ALPK1: variants seen among roughly 807,000 people sequenced by gnomAD.
The protein encoded by ALPK1 is alpha-protein kinase 1.
ALPK1 carries 110 observed loss-of-function variants against 120.6 expected under a neutral mutation model. That is an observed-to-expected ratio of 0.91 (90% confidence interval 0.78 to 1.07). The LOEUF (loss-of-function observed/expected upper bound fraction) is 1.07. Ranked by LOEUF, ALPK1 falls within the 50% of genes least tolerant of loss-of-function variation. The pLI is 0.00. For missense variants in ALPK1, 1,498 were observed against 1,483.9 expected (o/e 1.01, Z -0.16); for synonymous variants, 582 against 560.3 (o/e 1.04, Z -0.55).
chr4:112,418,209 C>G (rs1302980782), intron 5 of ALPK1, among the ~76,000 whole-genome samples: 1 of 152,192 alleles, frequency 6.6e-6, no homozygotes, highest in African/African-American at 2.4e-5. Context: ...ACATGGCTCG[C>G]CGCGTGGCAG....
intron 2 of ALPK1, among the ~76,000 whole-genome samples, chr4:112,371,955 C>A (rs1188340778): frequency 1.3e-5 from 2 of 152,122 alleles, no homozygotes; most frequent in African/African-American, 4.8e-5. Flanking sequence ...AACAATTGTT[C>A]CAACCAATTC....
intron 5 of ALPK1, among the ~76,000 whole-genome samples, chr4:112,417,440 A>G (rs1252106995): frequency 6.6e-6 from 1 of 152,206 alleles, no homozygotes; most frequent in Admixed American, 6.5e-5. Flanking sequence ...AATGCATTAC[A>G]ATCAAGGAAG....
At chr4:112,418,019 G>T (rs1733816791) in intron 5 of ALPK1, among the ~76,000 whole-genome samples, 1 of 152,142 alleles carries the variant, frequency 6.6e-6, no homozygotes, top group Admixed American at 6.5e-5. Flanking sequence ...AGAGTAATGA[G>T]GGCTTGGCTA....
Position 112,368,827 on chromosome 4 carries a change from G to A in ALPK1, c.-100-8851G>A, listed in dbSNP as rs189393729. 1.8e-4 allele frequency among the ~76,000 whole-genome samples: 28 copies of A among 152,184 alleles called. 1 individual carries two copies. The South Asian group carries it at 3.3e-3, about 18-fold the overall frequency. ...TAGCTCACTCTTATACTGAAGGTGC[G>A]ACCTTTTAGGATCTCAGTTTTATGC... On this transcript the variant is annotated intron_variant, in intron 2 of 15. Coordinates refer to ENST00000650871, the MANE Select transcript of ALPK1 (RefSeq NM_025144.4).
intron 1 of ALPK1, among the ~76,000 whole-genome samples, chr4:112,306,301 T>C (rs1379090367): frequency 6.6e-6 from 1 of 152,114 alleles, no homozygotes; most frequent in African/African-American, 2.4e-5. Flanking sequence ...TTTCTATTGA[T>C]TGGAATAGTT....
At chr4:112,313,715 T>C (rs919922690) in intron 1 of ALPK1, among the ~76,000 whole-genome samples, 1 of 151,976 alleles carries the variant, frequency 6.6e-6, no homozygotes, top group African/African-American at 2.4e-5. Flanking sequence ...AGAGGGAGAC[T>C]CCCATCTCAA....
chr4:112,426,768 T>G lies in ALPK1; in HGVS notation c.699+225T>G, dbSNP rs75788765. Among the ~76,000 whole-genome samples, 1,248 of 152,322 alleles carry G rather than the reference T, an allele frequency of 8.2e-3. 19 individuals are homozygous for G. Among genetic ancestry groups the G allele is most frequent in the African/African-American group, 0.029 (1,197 of 41,566 alleles). On this transcript the variant is annotated intron_variant, in intron 8 of 15. Transcript: ENST00000650871. The stretch of plus-strand genomic sequence containing the variant: ...CATAGATGGTGTTCTTATAATCATT[T>G]GTAACTGTCCATTTATATATTTATC...
chr4:112,302,618 C>T (rs958278018), intron 1 of ALPK1: 4 of 152,266 alleles, frequency 2.6e-5, no homozygotes, highest in Admixed American at 2.6e-4. Flanking sequence ...CAAGGCAAAC[C>T]AATCCTTACA....
intron 4 of ALPK1, among the ~76,000 whole-genome samples, chr4:112,397,375 T>C (rs1378504447): frequency 1.3e-5 from 2 of 152,266 alleles, no homozygotes; most frequent in Admixed American, 6.5e-5. Context: ...CTTTCATGGC[T>C]GTTGAAAACG....
At chr4:112,411,772 C>A in intron 4 of ALPK1, 55 bp from the exon 5 acceptor site, 1 of 1,537,224 alleles carries the variant, frequency 6.5e-7, no homozygotes, top group Non-Finnish European at 8.8e-7. Flanking sequence ...TAAGCCTGGC[C>A]CTCAGCCTGC....
At chr4:112,429,796 C>T (rs1217613359) in intron 10 of ALPK1, among the ~76,000 whole-genome samples, 4 of 137,884 alleles carry the variant, frequency 2.9e-5, no homozygotes, top group African/African-American at 1.1e-4. Context: ...GCTGAGATTG[C>T]ACCACTGCAC....
At chr4:112,395,948 T>A (rs1732630517) in intron 4 of ALPK1, among the ~76,000 whole-genome samples, 1 of 152,236 alleles carries the variant, frequency 6.6e-6, no homozygotes, top group Non-Finnish European at 1.5e-5. Flanking sequence ...ATTGCATGTT[T>A]CTGCAAGTTA....
At chr4:112,419,708 T>A (rs1404866561) in intron 5 of ALPK1, among the ~76,000 whole-genome samples, 2 of 152,164 alleles carry the variant, frequency 1.3e-5, no homozygotes, top group Non-Finnish European at 2.9e-5. Context: ...TGGCTGAAAA[T>A]GGTCCCCTAC....
intron 12 of ALPK1, among the ~76,000 whole-genome samples, chr4:112,437,317 CCATGGCAGTTTA>C (rs1468738811): frequency 2.0e-5 from 3 of 152,038 alleles, no homozygotes; most frequent in Admixed American, 1.3e-4. Context: ...GGAAAAATGA[CCATGGCAGTTTA>C]CCATGAACAA....
At chr4:112,388,547 A>G (rs1405870259) in intron 4 of ALPK1, among the ~76,000 whole-genome samples, 1 of 152,058 alleles carries the variant, frequency 6.6e-6, no homozygotes, top group Admixed American at 6.5e-5. Context: ...GGTGCTGTTT[A>G]GATTATGATT....
At chr4:112,381,186 G>A (rs1323395239) in intron 3 of ALPK1, among the ~76,000 whole-genome samples, 3 of 152,200 alleles carry the variant, frequency 2.0e-5, no homozygotes, top group Non-Finnish European at 4.4e-5. Context: ...AAGAATTACT[G>A]CCAAGGAAGA....
chr4:112,424,100 A>G (rs1416955132), intron 6 of ALPK1, 97 bp downstream of exon 6: 1 of 1,181,962 alleles, frequency 8.5e-7, no homozygotes, highest in African/African-American at 1.5e-5. Flanking sequence ...ACTATACCTT[A>G]GATGTTTCCA....
chr4:112,431,655 A>C lies in ALPK1; in HGVS notation c.2108A>C (p.Asn703Thr). 1 of 1,614,216 alleles carries C rather than the reference A, an allele frequency of 6.2e-7. No homozygotes were observed. Among genetic ancestry groups the C allele is most frequent in the Non-Finnish European group, 8.5e-7 (1 of 1,180,038 alleles). ...GAPEGIQEVR[N>T]MGPRNTSAHS... is the part of the protein sequence containing the mutation. ...CCAGAAGGTATCCAGGAAGTCAGAA[A>C]TATGGGACCCAGAAATACTTCTGCT... The change falls in exon 11 of 16, where the codon AAT becomes ACT. Residue 703 changes from asparagine (N) to threonine (T), a missense_variant. Asn to Thr is a moderately conservative substitution (Grantham distance 65, BLOSUM62 0). Transcript: ENST00000650871.
intron 2 of ALPK1, among the ~76,000 whole-genome samples, chr4:112,336,566 T>G (rs1729630578): frequency 6.6e-6 from 1 of 152,190 alleles, no homozygotes; most frequent in South Asian, 2.1e-4. Context: ...ATCATAAAAT[T>G]TAACCATTTT....
Sources: allele counts gnomAD v4.1 joint callset (sites outside exome capture counted in the v4.1 genomes callset), GRCh38; gene constraint gnomAD v4.1.1; transcripts MANE v1.5; gene names NCBI Gene and HGNC (gene_info 2026-07-23, HGNC 2026-07-21).